Variants in PARD3 observed in about 807,000 individuals in gnomAD.
PARD3 encodes partitioning defective 3 homolog.
In PARD3, 75 loss-of-function variants were observed where a neutral mutation model predicts 155.4. The ratio of observed to expected loss-of-function variants is 0.48; its 90% CI spans 0.40 to 0.58. PARD3 has a LOEUF of 0.58. PARD3 is among the 20% of genes least tolerant of loss of function. The probability of loss-of-function intolerance (pLI) is 0.00; values close to 1 mark genes in which losing one functional copy is unlikely to be tolerated. For synonymous variants in PARD3, 576 were observed against 610.5 expected, an observed-to-expected ratio of 0.94 and a Z score of 0.83; for missense variants, 1,642 against 1,721.7, an observed-to-expected ratio of 0.95 and a Z score of 0.82.
intron 2 of PARD3, among the ~76,000 whole-genome samples, chr10:34,631,187 G>A (rs1266356117): frequency 6.6e-6 from 1 of 152,084 alleles, no homozygotes; most frequent in Non-Finnish European, 1.5e-5. Flanking sequence ...GAGGCAAAAT[G>A]CCCATGTGAT....
intron 5 of PARD3, among the ~76,000 whole-genome samples, chr10:34,418,793 CAGGGT>C (rs1845913554): frequency 1.3e-5 from 2 of 152,048 alleles, no homozygotes; most frequent in South Asian, 4.2e-4. Flanking sequence ...TTTTTGGAGA[CAGGGT>C]CTTTCTCTGT....
chr10:34,150,751 C>T (rs1252046502), intron 22 of PARD3, among the ~76,000 whole-genome samples: 1 of 152,162 alleles, frequency 6.6e-6, no homozygotes, highest in African/African-American at 2.4e-5. Flanking sequence ...AATCCAATTA[C>T]TTCTATGAGT....
chr10:34,195,395 T>C (rs1209560569), intron 22 of PARD3, among the ~76,000 whole-genome samples: 1 of 151,534 alleles, frequency 6.6e-6, no homozygotes, highest in Admixed American at 6.6e-5. Flanking sequence ...ATGAATACAA[T>C]GCACATGCAC....
rs1052852519 is a variant in PARD3 at position 34,328,076 on chromosome 10, A to C, written c.2833+3041T>G. Reference sequence around the variant, plus strand: ...GAGCCAGCCTTCTTTCCAAAGCTGGAGGCAGAAAGTGCCTTCGCGTCTTCA... The same window carrying C: ...GAGCCAGCCTTCTTTCCAAAGCTGGCGGCAGAAAGTGCCTTCGCGTCTTCA... On this transcript the variant is annotated intron_variant, in intron 19 of 24. Coordinates refer to ENST00000374788, the MANE Select transcript of PARD3 (RefSeq NM_001184785.2). Among the ~76,000 whole-genome samples, 4 of 152,186 alleles carry C rather than the reference A, an allele frequency of 2.6e-5. No individual in the cohort carries two copies. The South Asian group carries it at 8.3e-4, about 32-fold the overall frequency.
chr10:34,575,392 G>T (rs1307189805), intron 2 of PARD3, among the ~76,000 whole-genome samples: 2 of 152,108 alleles, frequency 1.3e-5, no homozygotes, highest in Non-Finnish European at 2.9e-5. Flanking sequence ...AATCACAAGG[G>T]AGTAGGCTTT....
At chr10:34,732,455 A>G (rs1444609760) in intron 1 of PARD3, among the ~76,000 whole-genome samples, 1 of 152,200 alleles carries the variant, frequency 6.6e-6, no homozygotes, top group African/African-American at 2.4e-5. Context: ...GCACTTTGGG[A>G]GGCCAAGGTG....
At chr10:34,330,398 A>T (rs1021217117) in intron 19 of PARD3, among the ~76,000 whole-genome samples, 1 of 152,150 alleles carries the variant, frequency 6.6e-6, no homozygotes, top group Non-Finnish European at 1.5e-5. Flanking sequence ...TTGACTTTTA[A>T]TAATCTTGGC....
intron 3 of PARD3, among the ~76,000 whole-genome samples, chr10:34,511,488 T>C (rs2081396151): frequency 6.6e-6 from 1 of 152,180 alleles, no homozygotes; most frequent in Non-Finnish European, 1.5e-5. Context: ...GAGGACCTTC[T>C]TACTGCATCC....
At chr10:34,493,281 A>G (rs2080039423) in intron 3 of PARD3, among the ~76,000 whole-genome samples, 1 of 152,236 alleles carries the variant, frequency 6.6e-6, no homozygotes, top group African/African-American at 2.4e-5. Context: ...ACATGCATAC[A>G]TTACCTTATT....
At chr10:34,586,566 C>G (rs895187546) in intron 2 of PARD3, among the ~76,000 whole-genome samples, 1 of 152,146 alleles carries the variant, frequency 6.6e-6, no homozygotes, top group African/African-American at 2.4e-5. Flanking sequence ...ACTCTGACAG[C>G]CTTTGGCACT....
At position 34,614,747 on chromosome 10, in the gene PARD3, C is replaced by T. The variant is rs1181168482; in HGVS notation, c.222+81571G>A. Among the ~76,000 whole-genome samples, 3 of 152,174 alleles carry T rather than the reference C, an allele frequency of 2.0e-5. No homozygotes were observed. In the East Asian group the frequency reaches 5.8e-4, roughly 29 times the overall value. On this transcript the variant is annotated intron_variant, in intron 2 of 24. Coordinates refer to ENST00000374788, the MANE Select transcript of PARD3 (RefSeq NM_001184785.2). Reference sequence around the variant, plus strand: ...ATCTACAGATCGAATGCATCCTTATCTAGACACCAAGGACATTCTTCACAG... The same window carrying T: ...ATCTACAGATCGAATGCATCCTTATTTAGACACCAAGGACATTCTTCACAG...
rs1267677797 is a variant in PARD3, at chr10:34,227,973, CATAGCACTATTTACA to C, written c.3419+41669_3419+41683del. Among the ~76,000 whole-genome samples the C allele has an allele frequency of 2.7e-5, 4 of 149,572 alleles. No homozygotes were observed. In the East Asian group the frequency reaches 7.8e-4, roughly 29 times the overall value. On this transcript the variant is annotated intron_variant, in intron 22 of 24. Transcript: ENST00000374788. ...AAGACACATGCACGCCTATGTTTAT[CATAGCACTATTTACA>C]ATAGCAAAGATAATGGAACCAGCCT...
chr10:34,309,258 A>T (rs186916536), intron 20 of PARD3, among the ~76,000 whole-genome samples: 7 of 152,256 alleles, frequency 4.6e-5, no homozygotes, highest in Non-Finnish European at 8.8e-5. Flanking sequence ...AATGTGAATG[A>T]TCCTGTAGAG....
intron 3 of PARD3, among the ~76,000 whole-genome samples, chr10:34,484,630 C>T (rs185422565): frequency 5.1e-4 from 77 of 152,274 alleles, no homozygotes; most frequent in African/African-American, 1.8e-3. Flanking sequence ...TAATATACAA[C>T]ATAGACCTGG....
At position 34,432,041 on chromosome 10, in the gene PARD3, CAAAAAAAAAAAAAAAAAA is replaced by C. The variant is rs142848273; in HGVS notation, c.714+18258_714+18275del. On this transcript the variant is annotated intron_variant, in intron 5 of 24. Coordinates refer to ENST00000374788, the MANE Select transcript of PARD3 (RefSeq NM_001184785.2). ...TGGGCTACAGAGTGAGACTCTGTCT[CAAAAAAAAAAAAAAAAAA>C]AAAAAAAAAAAAGAATGCAGAGAAC... is the stretch of plus-strand genomic sequence containing the variant. 4.2e-4 allele frequency among the ~76,000 whole-genome samples: 9 copies of C among 21,596 alleles called. No homozygotes were observed. In the East Asian group the frequency reaches 6.8e-3, roughly 16 times the overall value. 14.2% of individuals were successfully genotyped at this position (21,596 alleles called of 152,430 possible).
At chr10:34,779,986 G>C (rs1334798595) in intron 1 of PARD3, among the ~76,000 whole-genome samples, 1 of 152,104 alleles carries the variant, frequency 6.6e-6, no homozygotes, top group Admixed American at 6.6e-5. Context: ...CCACCGAGTG[G>C]CACCTGAAAT....
At chr10:34,513,644 C>G (rs1001009285) in intron 3 of PARD3, among the ~76,000 whole-genome samples, 10 of 152,116 alleles carry the variant, frequency 6.6e-5, no homozygotes, top group Non-Finnish European at 1.5e-4. Context: ...ACATGTTTGT[C>G]TTCTAGTTTA....
chr10:34,164,116 C>A (rs17459796), intron 22 of PARD3, among the ~76,000 whole-genome samples: 1 of 151,968 alleles, frequency 6.6e-6, no homozygotes, highest in African/African-American at 2.4e-5. Context: ...TTGTGCAAAG[C>A]GGAAAAATAA....
chr10:34,279,141 CTTTTTTTTTTTT>C (rs143467605), intron 21 of PARD3, among the ~76,000 whole-genome samples: 14 of 102,052 alleles, frequency 1.4e-4, no homozygotes, highest in Admixed American at 1.4e-3. Context: ...ATATTTTTTC[CTTTTTTTTTTTT>C]TTTTTTTTTT....
Sources: allele counts gnomAD v4.1 joint callset (sites outside exome capture counted in the v4.1 genomes callset), GRCh38; gene constraint gnomAD v4.1.1; transcripts MANE v1.5; gene names NCBI Gene and HGNC (gene_info 2026-07-23, HGNC 2026-07-21).